Variants in PTPRD observed in about 807,000 individuals in gnomAD.
PTPRD encodes the protein protein tyrosine phosphatase receptor type D, also known as receptor-type tyrosine-protein phosphatase delta.
PTPRD carries 34 observed loss-of-function variants against 214.5 expected under a neutral mutation model. The observed-to-expected ratio is 0.16, with a 90% confidence interval of 0.12 to 0.21. The LOEUF (loss-of-function observed/expected upper bound fraction) is 0.21, where lower values mean the gene tolerates loss of function less well. Among genes scored for constraint, PTPRD ranks in the 10% least tolerant of loss-of-function variants. The pLI is 1.00. For missense variants in PTPRD, 2,545 were observed against 2,398.7 expected (o/e 1.06, Z -1.27); for synonymous variants, 1,128 against 845.7 (o/e 1.33, Z -5.79).
intron 12 of PTPRD, among the ~76,000 whole-genome samples, chr9:8,692,162 A>T (rs2097820736): frequency 6.6e-6 from 1 of 152,250 alleles, no homozygotes; most frequent in Non-Finnish European, 1.5e-5. Context: ...GTAATAAAAA[A>T]TAATGAAAAT....
rs539295566 is a variant in PTPRD at position 10,293,277 on chromosome 9, G to T, written c.-545+47686C>A. 8.1e-4 allele frequency among the ~76,000 whole-genome samples: 123 copies of T among 151,948 alleles called. 3 individuals carry two copies. In the South Asian group the frequency reaches 0.022, roughly 27 times the overall value. On this transcript the variant is annotated intron_variant, in intron 3 of 45. Transcript: ENST00000381196. ...TATAGAAAAAAAATTGGAAAAATCT[G>T]TACTTCATTATCTTGTAAATAATGA...
chr9:8,797,568 G>T (rs2096466377), intron 11 of PTPRD, among the ~76,000 whole-genome samples: 1 of 152,168 alleles, frequency 6.6e-6, no homozygotes, highest in Non-Finnish European at 1.5e-5. Flanking sequence ...GTTCTATCTT[G>T]CTTATCAAAC....
chr9:9,960,301 TGAA>T (rs1259082526), intron 4 of PTPRD, among the ~76,000 whole-genome samples: 1 of 151,108 alleles, frequency 6.6e-6, no homozygotes, highest in South Asian at 2.1e-4. Flanking sequence ...TATGACAGCT[TGAA>T]TAACAAAATA....
chr9:9,844,839 A>AT (rs2059112795), intron 5 of PTPRD, among the ~76,000 whole-genome samples: 1 of 151,514 alleles, frequency 6.6e-6, no homozygotes, highest in African/African-American at 2.4e-5. Flanking sequence ...AAGTGTCAGA[A>AT]TTTGTGGCAT....
intron 7 of PTPRD, among the ~76,000 whole-genome samples, chr9:9,682,502 G>A (rs1298567359): frequency 1.3e-5 from 2 of 151,560 alleles, no homozygotes; most frequent in Admixed American, 6.6e-5. Flanking sequence ...TTTATGGTAG[G>A]GTAGATCAAT....
At chr9:9,703,954 C>T (rs764688153) in intron 7 of PTPRD, among the ~76,000 whole-genome samples, 3 of 152,078 alleles carry the variant, frequency 2.0e-5, no homozygotes, top group African/African-American at 7.2e-5. Flanking sequence ...GCATAACCAC[C>T]ACTCACTGCA....
chr9:9,114,428 A>C (rs1016659324), intron 10 of PTPRD, among the ~76,000 whole-genome samples: 1 of 152,128 alleles, frequency 6.6e-6, no homozygotes, highest in African/African-American at 2.4e-5. Context: ...AACATGTAAA[A>C]CCTCAGTGGG....
intron 7 of PTPRD, among the ~76,000 whole-genome samples, chr9:9,651,292 G>T (rs936168368): frequency 6.6e-6 from 1 of 151,980 alleles, no homozygotes; most frequent in African/African-American, 2.4e-5. Context: ...TTGTTACATA[G>T]GCAAACTTGT....
At chr9:8,475,371 C>A (rs12686431) in intron 30 of PTPRD, among the ~76,000 whole-genome samples, 3 of 152,098 alleles carry the variant, frequency 2.0e-5, no homozygotes, top group Admixed American at 2.0e-4. Context: ...TCCACACTAA[C>A]CTTATTTCCT....
At chr9:8,754,085 C>A (rs1033600236) in intron 11 of PTPRD, among the ~76,000 whole-genome samples, 1 of 152,094 alleles carries the variant, frequency 6.6e-6, no homozygotes, top group African/African-American at 2.4e-5. Flanking sequence ...GCAGAGGGTG[C>A]AGTGAGCTGA....
intron 11 of PTPRD, among the ~76,000 whole-genome samples, chr9:8,757,154 A>G (rs1453264966): frequency 6.6e-6 from 1 of 151,214 alleles, no homozygotes; most frequent in Non-Finnish European, 1.5e-5. Context: ...AATAATAATA[A>G]TCTATGAATA....
chr9:10,222,917 A>G (rs2099576004), intron 3 of PTPRD, among the ~76,000 whole-genome samples: 1 of 152,014 alleles, frequency 6.6e-6, no homozygotes, highest in African/African-American at 2.4e-5. Flanking sequence ...GTGTTTCTCT[A>G]TTTGTGTTTG....
At position 10,133,002 on chromosome 9, in the gene PTPRD, T is replaced by C. The variant is rs573928687; in HGVS notation, c.-544-99212A>G. On this transcript the variant is annotated intron_variant, in intron 3 of 45. Coordinates refer to ENST00000381196, the MANE Select transcript of PTPRD (RefSeq NM_002839.4). Reference sequence around the variant, plus strand: ...TTGGCATTGTCTCTCTTTCATGCCCTCTCGTTACTTGTTCTAGAGGAAGTC... The same window carrying C: ...TTGGCATTGTCTCTCTTTCATGCCCCCTCGTTACTTGTTCTAGAGGAAGTC... Among the ~76,000 whole-genome samples, 197 of 152,298 alleles carry C rather than the reference T, an allele frequency of 1.3e-3. 3 individuals are homozygous for C. Among genetic ancestry groups the C allele is most frequent in the African/African-American group, 4.8e-4 (20 of 41,558 alleles).
intron 10 of PTPRD, among the ~76,000 whole-genome samples, chr9:9,063,449 G>C (rs1015673939): frequency 1.3e-5 from 2 of 152,072 alleles, no homozygotes; most frequent in African/African-American, 2.4e-5. Context: ...AAGAGAAAAG[G>C]CTTCCCTTAT....
intron 4 of PTPRD, among the ~76,000 whole-genome samples, chr9:10,004,323 T>C (rs1187504842): frequency 6.6e-6 from 1 of 151,982 alleles, no homozygotes; most frequent in African/African-American, 2.4e-5. Context: ...GAATTTGCCA[T>C]GTGGAAACAA....
chr9:8,432,731 C>G (rs2095136427), intron 35 of PTPRD, among the ~76,000 whole-genome samples: 1 of 152,156 alleles, frequency 6.6e-6, no homozygotes, highest in Non-Finnish European at 1.5e-5. Context: ...ATGTTGAGGT[C>G]TTAATCCTAT....
Position 10,009,522 on chromosome 9 carries a change from G to A in PTPRD, c.-472+24196C>T, listed in dbSNP as rs577908108. On this transcript the variant is annotated intron_variant, in intron 4 of 45. Coordinates refer to ENST00000381196, the MANE Select transcript of PTPRD (RefSeq NM_002839.4). ...ATACACCTAGAAGCAATAGAAAGGA[G>A]TGTCTGGTTTAAGATAAGGAGTTGT... is the stretch of plus-strand genomic sequence containing the variant. Among the ~76,000 whole-genome samples, 9 of 152,072 alleles carry A rather than the reference G, an allele frequency of 5.9e-5. No individual in the cohort carries two copies. In the South Asian group the frequency reaches 1.9e-3, roughly 31 times the overall value.
rs546587004 is a variant in PTPRD at position 8,604,732 on chromosome 9, C to G, written c.352+28585G>C. 6.6e-5 allele frequency among the ~76,000 whole-genome samples: 10 copies of G among 152,248 alleles called. No homozygotes were observed. The South Asian group carries it at 1.9e-3, about 28-fold the overall frequency. ...CAATTATCTCCTAAGCTATTGCCTA[C>G]TGAGTTTGGTGGAATAAGGAGGAAA... On this transcript the variant is annotated intron_variant, in intron 14 of 45. Transcript: ENST00000381196.
intron 11 of PTPRD, among the ~76,000 whole-genome samples, chr9:8,915,091 C>A (rs1377806263): frequency 2.6e-5 from 4 of 152,010 alleles, no homozygotes; most frequent in Non-Finnish European, 4.4e-5. Flanking sequence ...AATATGAAAG[C>A]AGTTTGAAGA....
Sources: allele counts gnomAD v4.1 joint callset (sites outside exome capture counted in the v4.1 genomes callset), GRCh38; gene constraint gnomAD v4.1.1; transcripts MANE v1.5; gene names NCBI Gene and HGNC (gene_info 2026-07-23, HGNC 2026-07-21).